The following FANK1 variants were observed in gnomAD, a reference collection of about 807,000 sequenced individuals.
FANK1 encodes the protein fibronectin type III and ankyrin repeat domains 1.
FANK1 carries 44 observed loss-of-function variants against 45.3 expected under a neutral mutation model. That is an observed-to-expected ratio of 0.97 (90% confidence interval 0.76 to 1.25). The LOEUF is 1.25. FANK1 is among the 50% of genes most tolerant of loss of function. The pLI, the probability that FANK1 is intolerant of heterozygous loss-of-function variation, is 0.00. For synonymous variants in FANK1, 149 were observed against 152.5 expected, an observed-to-expected ratio of 0.98 and a Z score of 0.17; for missense variants, 391 against 424.4, an observed-to-expected ratio of 0.92 and a Z score of 0.69.
At position 125,928,775 on chromosome 10, in the gene FANK1, C is replaced by G. The variant is rs563684511; in HGVS notation, c.13+32120C>G. 2.6e-5 allele frequency among the ~76,000 whole-genome samples: 4 copies of G among 152,290 alleles called. No homozygotes were observed. The South Asian group carries it at 6.2e-4, about 24-fold the overall frequency. ...GTTGTTCTCTTTGGGAAAGGGCCTG[C>G]TCAGGTCTCTTGCCTAGCTTTCTAT... On this transcript the variant is annotated intron_variant, in intron 1 of 10. Transcript: ENST00000368693.
At chr10:125,911,948 G>C (rs925061339) in intron 1 of FANK1, among the ~76,000 whole-genome samples, 4 of 152,156 alleles carry the variant, frequency 2.6e-5, no homozygotes, top group African/African-American at 9.7e-5. Context: ...ATGATAGTTA[G>C]AGGGGAAAAA....
intron 1 of FANK1, among the ~76,000 whole-genome samples, chr10:125,976,972 T>TC (rs943461670): frequency 6.6e-6 from 1 of 152,080 alleles, no homozygotes; most frequent in Non-Finnish European, 1.5e-5. Context: ...CGTTAGGTTT[T>TC]TTTTTATGCT....
At chr10:125,932,794 G>A (rs945753595) in intron 1 of FANK1, among the ~76,000 whole-genome samples, 2 of 152,102 alleles carry the variant, frequency 1.3e-5, no homozygotes, top group Admixed American at 1.3e-4. Context: ...CTTCTCAGAG[G>A]GAGTGCTTTC....
intron 1 of FANK1, among the ~76,000 whole-genome samples, chr10:125,945,494 G>A (rs1330681868): frequency 1.3e-5 from 2 of 152,208 alleles, no homozygotes; most frequent in East Asian, 1.9e-4. Context: ...GGTGACAGAC[G>A]CACCTGGAAA....
At chr10:125,940,898 CCT>C (rs1948413431) in intron 1 of FANK1, among the ~76,000 whole-genome samples, 1 of 152,190 alleles carries the variant, frequency 6.6e-6, no homozygotes, top group South Asian at 2.1e-4. Flanking sequence ...GCCCTAGATC[CCT>C]TAAACCTTGA....
intron 1 of FANK1, among the ~76,000 whole-genome samples, chr10:125,909,659 C>T (rs1945826773): frequency 6.7e-6 from 1 of 148,748 alleles, no homozygotes; most frequent in Non-Finnish European, 1.5e-5. Flanking sequence ...GCTGGGACGA[C>T]AGGTGTGCGT....
At chr10:125,935,296 G>A (rs1051334821) in intron 1 of FANK1, among the ~76,000 whole-genome samples, 4 of 152,238 alleles carry the variant, frequency 2.6e-5, no homozygotes, top group African/African-American at 9.6e-5. Context: ...GAAGGCAGGG[G>A]CCGCATCTGA....
At chr10:125,969,805 G>A (rs1049834465) in intron 1 of FANK1, among the ~76,000 whole-genome samples, 5 of 152,088 alleles carry the variant, frequency 3.3e-5, no homozygotes, top group Admixed American at 2.6e-4. Flanking sequence ...CTGGGTACTT[G>A]AGATTAGGTA....
At chr10:125,937,572 A>C (rs552169613) in intron 1 of FANK1, among the ~76,000 whole-genome samples, 1 of 152,370 alleles carries the variant, frequency 6.6e-6, no homozygotes. Context: ...CTGATGGAAT[A>C]AACTATGGTA....
intron 1 of FANK1, among the ~76,000 whole-genome samples, chr10:125,934,743 T>G (rs1166619635): frequency 1.4e-4 from 19 of 137,456 alleles, no homozygotes; most frequent in Middle Eastern, 3.3e-3. Flanking sequence ...TTTTTTTTTT[T>G]TTTTTTTTTT....
At chr10:125,952,363 G>A (rs577299074) in intron 1 of FANK1, among the ~76,000 whole-genome samples, 3 of 152,236 alleles carry the variant, frequency 2.0e-5, no homozygotes, top group African/African-American at 7.2e-5. Context: ...TGTCAGGTCA[G>A]GGTTTAGATG....
intron 5 of FANK1, among the ~76,000 whole-genome samples, chr10:125,997,013 C>G (rs1202264763): frequency 6.6e-6 from 1 of 151,774 alleles, no homozygotes; most frequent in African/African-American, 2.4e-5. Flanking sequence ...CTGTTCCACA[C>G]AGAGATAAGT....
chr10:125,912,160 C>T (rs79437537), intron 1 of FANK1, among the ~76,000 whole-genome samples: 1 of 152,050 alleles, frequency 6.6e-6, no homozygotes. Flanking sequence ...GGCCCTGGCA[C>T]CTGATTCAGA....
intron 3 of FANK1, chr10:125,988,909 A>T (rs1438908544): frequency 3.1e-6 from 2 of 649,870 alleles, no homozygotes; most frequent in Non-Finnish European, 5.3e-6. Context: ...CTGTCCTGTT[A>T]GTAGCCATTC....
intron 6 of FANK1, among the ~76,000 whole-genome samples, chr10:126,003,382 G>C (rs11593595): frequency 0.21 from 31,568 of 151,856 alleles, 4,073 homozygotes; most frequent in East Asian, 0.31. Flanking sequence ...GGGCAATAAG[G>C]TGAAATTTTT....
At chr10:125,997,272 G>C (rs1160927633) in intron 5 of FANK1, 148 bp from the exon 6 acceptor site, 2 of 510,186 alleles carry the variant, frequency 3.9e-6, no homozygotes, top group East Asian at 6.5e-5. Context: ...ATGGTGCCTG[G>C]TTTTAAAACC....
intron 1 of FANK1, among the ~76,000 whole-genome samples, chr10:125,960,998 TGTA>T (rs1245875602): frequency 6.6e-6 from 1 of 152,134 alleles, no homozygotes; most frequent in East Asian, 1.9e-4. Context: ...ACTACAAAGC[TGTA>T]GTAATGAAGA....
intron 1 of FANK1, among the ~76,000 whole-genome samples, chr10:125,962,055 A>G (rs1464040048): frequency 6.6e-6 from 1 of 152,244 alleles, no homozygotes; most frequent in East Asian, 1.9e-4. Flanking sequence ...AGGGCAACCT[A>G]CAGAATGGGA....
At chr10:125,949,345 A>G (rs1384831901) in intron 1 of FANK1, among the ~76,000 whole-genome samples, 142 of 151,948 alleles carry the variant, frequency 9.3e-4, no homozygotes, top group African/African-American at 3.0e-3. Context: ...GTTTGCAGAC[A>G]ACATGATTGT....
Sources: allele counts gnomAD v4.1 joint callset (sites outside exome capture counted in the v4.1 genomes callset), GRCh38; gene constraint gnomAD v4.1.1; transcripts MANE v1.5; gene names NCBI Gene and HGNC (gene_info 2026-07-23, HGNC 2026-07-21).